PLEKHA5: variants seen among roughly 807,000 people sequenced by gnomAD.
The protein encoded by PLEKHA5 is pleckstrin homology domain containing A5.
Under a neutral mutation model 181.9 loss-of-function variants are expected in PLEKHA5, and 55 were observed. The observed-to-expected ratio is 0.30, with a 90% CI of 0.24 to 0.38. PLEKHA5 has a LOEUF of 0.38. PLEKHA5 is among the 10% of genes least tolerant of loss of function. PLEKHA5 has a pLI of 1.00. For synonymous variants in PLEKHA5, 535 were observed against 529.4 expected (o/e 1.01, Z -0.15); for missense variants, 1,432 against 1,549.5 (o/e 0.92, Z 1.27).
intron 3 of PLEKHA5, among the ~76,000 whole-genome samples, chr12:19,191,368 A>G (rs1328744063): frequency 6.6e-6 from 1 of 152,156 alleles, no homozygotes; most frequent in African/African-American, 2.4e-5. Context: ...ATACCCTGAC[A>G]CACAGCTTCC....
intron 26 of PLEKHA5, among the ~76,000 whole-genome samples, chr12:19,355,404 T>G (rs1021017739): frequency 2.7e-5 from 4 of 149,092 alleles, no homozygotes; most frequent in Non-Finnish European, 4.4e-5. Context: ...TGGGCTGAAG[T>G]GCAGTGGCAT....
intron 15 of PLEKHA5, among the ~76,000 whole-genome samples, chr12:19,312,506 C>T (rs1376914168): frequency 6.6e-6 from 1 of 152,230 alleles, no homozygotes; most frequent in Non-Finnish European, 1.5e-5. Flanking sequence ...CCTGCTGCTT[C>T]ACCTTGCACT....
chr12:19,306,525 A>G (rs1464719536), intron 15 of PLEKHA5: 1 of 738,482 alleles, frequency 1.4e-6, no homozygotes, highest in African/African-American at 1.7e-5. Flanking sequence ...AGCAGGAGGG[A>G]GAACGCCGCG....
intron 15 of PLEKHA5, among the ~76,000 whole-genome samples, chr12:19,308,041 A>T (rs140350098): frequency 2.6e-5 from 4 of 152,288 alleles, no homozygotes; most frequent in Non-Finnish European, 5.9e-5. Context: ...AGTGATACAG[A>T]TGTAAAAGTT....
At chr12:19,164,195 T>TG in intron 3 of PLEKHA5, among the ~76,000 whole-genome samples, 1 of 128,120 alleles carries the variant, frequency 7.8e-6, no homozygotes, top group Non-Finnish European at 1.6e-5. Flanking sequence ...CCAGATGTTT[T>TG]TGTTTTTTTT....
At chr12:19,249,281 A>C (rs2064616534) in intron 3 of PLEKHA5, among the ~76,000 whole-genome samples, 1 of 152,180 alleles carries the variant, frequency 6.6e-6, no homozygotes, top group African/African-American at 2.4e-5. Context: ...GGTCATTATT[A>C]AGTAAAGTAA....
intron 7 of PLEKHA5, among the ~76,000 whole-genome samples, chr12:19,262,894 C>G (rs565809144): frequency 6.6e-6 from 1 of 152,060 alleles, no homozygotes; most frequent in Non-Finnish European, 1.5e-5. Flanking sequence ...AACAAACAAA[C>G]AAAAAACAAG....
chr12:19,370,800 C>T (rs1434256539), intron 31 of PLEKHA5: 1 of 151,976 alleles, frequency 6.6e-6, no homozygotes, highest in Admixed American at 6.6e-5. Context: ...AGCAGTCGTC[C>T]TGCCTCAGCC....
intron 29 of PLEKHA5, among the ~76,000 whole-genome samples, chr12:19,362,883 G>A (rs993490001): frequency 6.6e-6 from 1 of 151,642 alleles, no homozygotes; most frequent in Non-Finnish European, 1.5e-5. Flanking sequence ...ATGGATTTAT[G>A]CCTTTACAGT....
At chr12:19,296,308 A>C (rs1465131086) in intron 15 of PLEKHA5, among the ~76,000 whole-genome samples, 1 of 151,950 alleles carries the variant, frequency 6.6e-6, no homozygotes, top group African/African-American at 2.4e-5. Flanking sequence ...AGACTTTGGG[A>C]GGCCAAGGTG....
chr12:19,244,249 A>C (rs140617113), intron 3 of PLEKHA5, among the ~76,000 whole-genome samples: 316 of 151,408 alleles, frequency 2.1e-3, no homozygotes, highest in Admixed American at 4.1e-3. Context: ...AGAGAGTATA[A>C]TTGTTTTTAA....
intron 21 of PLEKHA5, among the ~76,000 whole-genome samples, chr12:19,338,676 A>G (rs1245579807): frequency 6.6e-6 from 1 of 151,780 alleles, no homozygotes; most frequent in East Asian, 2.0e-4. Context: ...CTAAATTTAA[A>G]TGGCCACATG....
chr12:19,276,098 A>G (rs1012124562), intron 11 of PLEKHA5, among the ~76,000 whole-genome samples: 9 of 152,212 alleles, frequency 5.9e-5, no homozygotes, highest in African/African-American at 1.9e-4. Context: ...GAAGAATAAC[A>G]TGCATATTAT....
intron 3 of PLEKHA5, among the ~76,000 whole-genome samples, chr12:19,195,672 C>CAAAAAA (rs3056386): frequency 2.5e-5 from 2 of 81,606 alleles, no homozygotes; most frequent in Admixed American, 1.4e-4. Context: ...GACCCTGTCT[C>CAAAAAA]AAAAAAAAAA....
chr12:19,192,912 G>T (rs2051547329), intron 3 of PLEKHA5, among the ~76,000 whole-genome samples: 1 of 152,126 alleles, frequency 6.6e-6, no homozygotes, highest in Non-Finnish European at 1.5e-5. Flanking sequence ...CCAGCCTGCT[G>T]CCTGTTTTTG....
At chr12:19,169,927 G>C (rs543019634) in intron 3 of PLEKHA5, among the ~76,000 whole-genome samples, 1 of 152,068 alleles carries the variant, frequency 6.6e-6, no homozygotes, top group Admixed American at 6.6e-5. Context: ...CCGACTCAAT[G>C]GTGTGCGCTA....
At chr12:19,138,465 C>T (rs1195097060) in intron 3 of PLEKHA5, among the ~76,000 whole-genome samples, 1 of 150,500 alleles carries the variant, frequency 6.6e-6, no homozygotes, top group African/African-American at 2.5e-5. Context: ...CCCAGCTACT[C>T]GGGAGGCTGA....
intron 18 of PLEKHA5, 33 bp from the exon 19 acceptor site, chr12:19,322,277 A>G (rs753398035): frequency 7.0e-7 from 1 of 1,438,524 alleles, no homozygotes; most frequent in Non-Finnish European, 9.7e-7. Context: ...AAAATAAAAA[A>G]TTGCTAACAA....
At chr12:19,346,595 A>T (rs896602574) in intron 23 of PLEKHA5, among the ~76,000 whole-genome samples, 12 of 152,226 alleles carry the variant, frequency 7.9e-5, no homozygotes, top group African/African-American at 2.7e-4. Flanking sequence ...ATGTATGATC[A>T]AATCACTGCA....
Sources: allele counts gnomAD v4.1 joint callset (sites outside exome capture counted in the v4.1 genomes callset), GRCh38; gene constraint gnomAD v4.1.1; transcripts MANE v1.5; gene names NCBI Gene and HGNC (gene_info 2026-07-23, HGNC 2026-07-21).